The following PCDHGB5 variants were observed in gnomAD, a reference collection of about 807,000 sequenced individuals.
PCDHGB5 encodes protocadherin gamma-B5.
PCDHGB5 carries 48 observed loss-of-function variants against 62.9 expected under a neutral mutation model. That is an observed-to-expected ratio of 0.76 (90% CI 0.61 to 0.97). PCDHGB5 has a LOEUF of 0.97. PCDHGB5 is among the 50% of genes least tolerant of loss of function. PCDHGB5 has a pLI of 0.00. For missense variants in PCDHGB5, 1,118 were observed against 1,198.6 expected, an observed-to-expected ratio of 0.93 and a Z score of 0.99; for synonymous variants, 474 against 511.2, an observed-to-expected ratio of 0.93 and a Z score of 0.98.
rs762200805 is a variant in PCDHGB5 at position 141,423,045 on chromosome 5, C to T, written c.2397+22521C>T. 8 of 1,614,210 alleles carry T rather than the reference C, an allele frequency of 5.0e-6. No homozygotes were observed. The East Asian group carries it at 1.8e-4, about 36-fold the overall frequency. ...ATTCAGGCCAGAACGCCTGGCTGTCCTATCGCCTGCTTAAGGCCAGCGAGC... is the reference window on the plus strand; with the variant it reads ...ATTCAGGCCAGAACGCCTGGCTGTCTTATCGCCTGCTTAAGGCCAGCGAGC... On this transcript the variant is annotated intron_variant, in intron 1 of 3. Transcript: ENST00000617380.
chr5:141,478,049 A>G, intron 1 of PCDHGB5: 2 of 1,614,056 alleles, frequency 1.2e-6, no homozygotes, highest in Middle Eastern at 3.3e-4. Flanking sequence ...GCAGACTCTC[A>G]CGGTCTTGAT....
At chr5:141,423,084 G>C (rs1427825232) in intron 1 of PCDHGB5, 2 of 1,613,942 alleles carry the variant, frequency 1.2e-6, no homozygotes, top group Non-Finnish European at 1.7e-6. Flanking sequence ...GACTCTTCGC[G>C]GTGGGGGAGC....
chr5:141,418,123 C>A (rs1049456676), intron 1 of PCDHGB5: 8 of 1,613,914 alleles, frequency 5.0e-6, no homozygotes, highest in Admixed American at 3.3e-5. Flanking sequence ...TTGTGAAGGA[C>A]CGAATAGACC....
At chr5:141,400,791 T>C in intron 1 of PCDHGB5, 1 of 562,286 alleles carries the variant, frequency 1.8e-6, no homozygotes, top group Non-Finnish European at 3.1e-6. Flanking sequence ...TTTGTCCTCT[T>C]TCTCAAAGCT....
chr5:141,414,457 G>A (rs1319960665), intron 1 of PCDHGB5: 7 of 1,613,872 alleles, frequency 4.3e-6, no homozygotes, highest in Non-Finnish European at 5.9e-6. Flanking sequence ...CACAGTGACA[G>A]CCACAGATGG....
chr5:141,451,358 T>C (rs537863729), intron 1 of PCDHGB5, among the ~76,000 whole-genome samples: 1 of 152,326 alleles, frequency 6.6e-6, no homozygotes, highest in African/African-American at 2.4e-5. Flanking sequence ...CAACAGAGGA[T>C]GGATCCGCTT....
Position 141,408,306 on chromosome 5 carries a change from A to C in PCDHGB5, c.2397+7782A>C, listed in dbSNP as rs866086431. On this transcript the variant is annotated intron_variant, in intron 1 of 3. Transcript: ENST00000617380. Reference sequence around the variant, plus strand: ...CCCACCCTGAGTGAGCCGATCCGCTACTCGATTCCGGAGGAGCTGGCCAAG... The same window carrying C: ...CCCACCCTGAGTGAGCCGATCCGCTCCTCGATTCCGGAGGAGCTGGCCAAG... The C allele has an allele frequency of 1.2e-6, 2 of 1,613,586 alleles. No homozygotes were observed. Among genetic ancestry groups the C allele is most frequent in the South Asian group, 1.1e-5 (1 of 91,062 alleles).
intron 1 of PCDHGB5, chr5:141,423,251 A>T: frequency 6.2e-7 from 1 of 1,613,844 alleles, no homozygotes; most frequent in East Asian, 2.2e-5. Context: ...GTCCTGGCGG[A>T]CCTCGGCAGC....
intron 1 of PCDHGB5, chr5:141,423,758 G>GA: frequency 1.1e-5 from 4 of 366,840 alleles, no homozygotes; most frequent in South Asian, 8.5e-5. Flanking sequence ...TTTGGGGGGG[G>GA]GGTGGGGCGG....
intron 1 of PCDHGB5, among the ~76,000 whole-genome samples, chr5:141,452,578 C>T (rs2098744735): frequency 6.6e-6 from 1 of 152,150 alleles, no homozygotes; most frequent in African/African-American, 2.4e-5. Flanking sequence ...TCCCCCTTTC[C>T]ATCTTTGTAT....
intron 1 of PCDHGB5, among the ~76,000 whole-genome samples, chr5:141,460,997 G>A (rs1322943324): frequency 3.4e-5 from 5 of 147,290 alleles, no homozygotes; most frequent in Admixed American, 1.4e-4. Flanking sequence ...ATATATATAT[G>A]TGTATATATA....
At chr5:141,403,864 A>C in intron 1 of PCDHGB5, 1 of 1,613,794 alleles carries the variant, frequency 6.2e-7, no homozygotes, top group Non-Finnish European at 8.5e-7. Flanking sequence ...TATCAACAGC[A>C]AAAAGTCTAG....
At chr5:141,413,115 A>C in intron 1 of PCDHGB5, 1 of 1,507,478 alleles carries the variant, frequency 6.6e-7, no homozygotes, top group Non-Finnish European at 8.9e-7. Context: ...AGACAAAGGA[A>C]CCGGTTGAAA....
intron 1 of PCDHGB5, chr5:141,409,186 T>C: frequency 6.2e-7 from 1 of 1,614,042 alleles, no homozygotes; most frequent in Non-Finnish European, 8.5e-7. Flanking sequence ...GTGGTCTCTC[T>C]ACCCAGTGTA....
At position 141,487,488 on chromosome 5, in the gene PCDHGB5, G is replaced by A; in HGVS notation, c.2398-7319G>A. ...GATGTGGGAGGCCACTCTCATGGCT[G>A]TACACCCTTGGCTTCTGCACCCACT... On this transcript the variant is annotated intron_variant, in intron 1 of 3. Transcript: ENST00000617380. This position sits in a 1 kb window ranked among gnomAD's most constrained non-coding sequence, Gnocchi z 5.0. The A allele has an allele frequency of 6.2e-7, 1 of 1,614,204 alleles. No homozygotes were observed. The highest frequency in any genetic ancestry group is 8.5e-7 in the Non-Finnish European group (1 of 1,180,038).
In PCDHGB5 at chr5:141,495,049, T is replaced by G. The variant is rs543734863; in HGVS notation, c.2456+184T>G. ...CCCCGGAAGGAAGAGGCGACTGCCC[T>G]GACTGTTCAGGAAGCTCAATTCACA... On this transcript the variant is annotated intron_variant, in intron 2 of 3. Coordinates refer to ENST00000617380, the MANE Select transcript of PCDHGB5 (RefSeq NM_018925.3). Among the ~76,000 whole-genome samples the G allele has an allele frequency of 5.6e-4, 86 of 152,312 alleles. 1 individual carries two copies. Among genetic ancestry groups the G allele is most frequent in the African/African-American group, 1.6e-3 (65 of 41,578 alleles).
Position 141,476,949 on chromosome 5 carries a change from A to G in PCDHGB5, c.2398-17858A>G. The stretch of plus-strand genomic sequence containing the variant: ...GATCTGGATGAAGGCCCCAACGGTG[A>G]AATTATTTACTCCTTCGGCAGCCAC... On this transcript the variant is annotated intron_variant, in intron 1 of 3. Transcript: ENST00000617380. The surrounding 1 kb of genome is among the most constrained non-coding windows in gnomAD (Gnocchi z 7.6). 6.2e-7 allele frequency: 1 copy of G among 1,614,200 alleles called. No individual in the cohort carries two copies. Among genetic ancestry groups the G allele is most frequent in the Admixed American group, 1.7e-5 (1 of 60,038 alleles).
At chr5:141,414,097 T>C (rs1442366960) in intron 1 of PCDHGB5, 1 of 1,594,352 alleles carries the variant, frequency 6.3e-7, no homozygotes, top group South Asian at 1.1e-5. Context: ...AATAAAAATA[T>C]CAGAAAATCT....
intron 1 of PCDHGB5, chr5:141,441,986 C>G (rs2098288559): frequency 7.4e-6 from 2 of 269,216 alleles, no homozygotes; most frequent in Non-Finnish European, 1.5e-5. Flanking sequence ...GAATGCGCAC[C>G]GACGAGGTGC....
Sources: gnomAD v4.1 joint callset for allele counts (sites outside exome capture counted in the v4.1 genomes callset) on GRCh38, gnomAD v4.1.1 for gene constraint, Gnocchi (gnomAD v3.1) non-coding constraint, MANE v1.5 for transcripts, NCBI Gene and HGNC (gene_info 2026-07-23, HGNC 2026-07-21) for gene names.